Variants in SOS1 observed in about 807,000 individuals in gnomAD.
SOS1 encodes the protein son of sevenless homolog 1.
Under a neutral mutation model 157.6 loss-of-function variants are expected in SOS1, and 25 were observed. The ratio of observed to expected loss-of-function variants is 0.16; its 90% CI spans 0.12 to 0.22. The LOEUF (loss-of-function observed/expected upper bound fraction) is 0.22. SOS1 is among the 10% of genes least tolerant of loss of function. SOS1 has a pLI of 1.00. For missense variants in SOS1, 1,237 were observed against 1,599.1 expected, an observed-to-expected ratio of 0.77 and a Z score of 3.86; for synonymous variants, 528 against 534.0, an observed-to-expected ratio of 0.99 and a Z score of 0.16.
At chr2:39,044,859 C>CGT (rs1388387456) in intron 6 of SOS1, among the ~76,000 whole-genome samples, 47 of 36,456 alleles carry the variant, frequency 1.3e-3, no homozygotes, top group South Asian at 9.7e-3. Flanking sequence ...CATGCGCGCG[C>CGT]GCGCGCACAC....
rs535998845 is a variant in SOS1, at chr2:39,117,397, C to T, written c.87+2939G>A. Among the ~76,000 whole-genome samples, 10 of 152,148 alleles carry T rather than the reference C, an allele frequency of 6.6e-5. No individual in the cohort carries two copies. In the South Asian group the frequency reaches 2.1e-3, roughly 32 times the overall value. Reference sequence around the variant, plus strand: ...CTATAGTAGGCATGATATATTTGTGCAATAGATAAGATAGGACTTAGACTC... The same window carrying T: ...CTATAGTAGGCATGATATATTTGTGTAATAGATAAGATAGGACTTAGACTC... On this transcript the variant is annotated intron_variant, in intron 1 of 22. Coordinates refer to ENST00000402219, the MANE Select transcript of SOS1 (RefSeq NM_005633.4).
At chr2:39,029,395 G>A (rs946863465) in intron 8 of SOS1, among the ~76,000 whole-genome samples, 6 of 152,260 alleles carry the variant, frequency 3.9e-5, no homozygotes, top group Middle Eastern at 3.4e-3. Context: ...GGAGGCTGAG[G>A]TGGGCAGATC....
chr2:39,009,291 G>T (rs1312891083), intron 15 of SOS1, among the ~76,000 whole-genome samples: 2 of 152,188 alleles, frequency 1.3e-5, no homozygotes, highest in East Asian at 3.9e-4. Context: ...TAGAGCCATT[G>T]TTCAAAAACG....
In SOS1 at chr2:39,022,877, A is replaced by G. The variant is rs913874092; in HGVS notation, c.1551T>C (p.Ile517=). The G allele has an allele frequency of 6.2e-7, 1 of 1,612,706 alleles. No homozygotes were observed. The highest frequency in any genetic ancestry group is 1.3e-5 in the African/African-American group (1 of 74,872). Residue 517 remains isoleucine (I), a synonymous_variant, in exon 10 of 23, where the codon ATT becomes ATC. Coordinates refer to ENST00000402219, the MANE Select transcript of SOS1 (RefSeq NM_005633.4). The part of the protein sequence containing the change: ...TNEYKHAFEI[I]LKDENSVIFS... ...ATATAACACTATTTTCATCTTTTAA[A>G]ATTATTTCAAAAGCATGCTTGTATT...
At chr2:39,109,834 A>G (rs895525148) in intron 1 of SOS1, among the ~76,000 whole-genome samples, 33 of 152,222 alleles carry the variant, frequency 2.2e-4, no homozygotes, top group African/African-American at 8.0e-4. Flanking sequence ...ACTATCTGCC[A>G]TGGTTCATTA....
intron 20 of SOS1, among the ~76,000 whole-genome samples, chr2:38,991,323 T>C (rs1488378995): frequency 6.6e-6 from 1 of 152,200 alleles, no homozygotes; most frequent in Non-Finnish European, 1.5e-5. Context: ...TACAGCAATC[T>C]TCCAGGAGGA....
At position 39,057,039 on chromosome 2, in the gene SOS1, A is replaced by T. The variant is rs148756789; in HGVS notation, c.346-173T>A. 6.4e-4 allele frequency among the ~76,000 whole-genome samples: 97 copies of T among 152,332 alleles called. 1 individual carries two copies. The highest frequency in any genetic ancestry group is 2.2e-3 in the African/African-American group (90 of 41,582). On this transcript the variant is annotated intron_variant, in intron 3 of 22. Transcript: ENST00000402219. Reference sequence around the variant, plus strand: ...AACAATGAATAATATATGTATTACTATTGAAAATGTAAGCTAAGAAAAGGC... The same window carrying T: ...AACAATGAATAATATATGTATTACTTTTGAAAATGTAAGCTAAGAAAAGGC...
chr2:38,991,963 T>TA (rs549815926), intron 20 of SOS1, among the ~76,000 whole-genome samples: 23 of 151,774 alleles, frequency 1.5e-4, no homozygotes, highest in Admixed American at 6.6e-4. Flanking sequence ...TTATAACTGA[T>TA]AAAAAAAAAT....
intron 1 of SOS1, among the ~76,000 whole-genome samples, chr2:39,092,410 G>C (rs1293549217): frequency 1.3e-5 from 2 of 152,028 alleles, no homozygotes; most frequent in Admixed American, 6.6e-5. Flanking sequence ...GAACATTCTG[G>C]TCTCTTCTCA....
chr2:39,020,034 A>G (rs1669749985), intron 10 of SOS1, among the ~76,000 whole-genome samples: 1 of 151,636 alleles, frequency 6.6e-6, no homozygotes, highest in East Asian at 1.9e-4. Context: ...CATGAAAACA[A>G]TCACCTTATA....
chr2:39,022,593 C>T lies in SOS1; in HGVS notation c.1835G>A (p.Arg612Lys). ...ACCTGCGTACATATGGTACGTAAGCCTCTCTATAAGTTTAATAACAGTTCC... is the reference window on the plus strand; with the variant it reads ...ACCTGCGTACATATGGTACGTAAGCTTCTCTATAAGTTTAATAACAGTTCC... ...KAGTVIKLIE[R>K]LTYHMYADPN... The change falls in exon 10 of 23, where the codon AGG becomes AAG. Residue 612 changes from arginine (R) to lysine (K), a missense_variant. Transcript: ENST00000402219. The T allele has an allele frequency of 6.2e-7, 1 of 1,613,262 alleles. No individual in the cohort carries two copies. The highest frequency in any genetic ancestry group is 8.5e-7 in the Non-Finnish European group (1 of 1,179,380).
At chr2:39,073,286 T>C (rs1379173900) in intron 1 of SOS1, among the ~76,000 whole-genome samples, 1 of 152,234 alleles carries the variant, frequency 6.6e-6, no homozygotes, top group East Asian at 1.9e-4. Flanking sequence ...GACTAAACTA[T>C]GTGGGTTTTC....
At chr2:39,020,957 A>T (rs1158696387) in intron 10 of SOS1, among the ~76,000 whole-genome samples, 1 of 151,258 alleles carries the variant, frequency 6.6e-6, no homozygotes, top group African/African-American at 2.4e-5. Context: ...TATTGGAAGG[A>T]ATTTTTTAAA....
intron 1 of SOS1, among the ~76,000 whole-genome samples, chr2:39,087,558 G>C (rs1364736988): frequency 1.3e-5 from 2 of 152,192 alleles, no homozygotes; most frequent in East Asian, 3.8e-4. Flanking sequence ...TTATCTGTAT[G>C]ATCTTAGGCA....
chr2:39,072,234 C>T (rs1671818064), intron 1 of SOS1, among the ~76,000 whole-genome samples: 1 of 152,022 alleles, frequency 6.6e-6, no homozygotes, highest in South Asian at 2.1e-4. Context: ...TTGTCTGTTT[C>T]CTTTTTTGGA....
At chr2:39,055,964 T>A (rs1372313151) in intron 4 of SOS1, among the ~76,000 whole-genome samples, 2 of 152,174 alleles carry the variant, frequency 1.3e-5, no homozygotes, top group Non-Finnish European at 2.9e-5. Context: ...CATATATGCT[T>A]AACCTTCAAT....
intron 6 of SOS1, among the ~76,000 whole-genome samples, chr2:39,048,399 TTTTC>T (rs1159381568): frequency 6.6e-6 from 1 of 152,006 alleles, no homozygotes; most frequent in Non-Finnish European, 1.5e-5. Flanking sequence ...GCTTTTAAGA[TTTTC>T]TTTTTTTTTT....
chr2:38,997,678 T>C (rs13009013), intron 17 of SOS1, among the ~76,000 whole-genome samples: 3 of 151,898 alleles, frequency 2.0e-5, no homozygotes, highest in African/African-American at 7.2e-5. Context: ...TTTATTTTTT[T>C]ATTTTTTTTA....
In SOS1 at chr2:38,987,575, T is replaced by A. The variant is rs764809554; in HGVS notation, c.3408A>T (p.Ser1136=). The A allele has an allele frequency of 6.4e-7, 1 of 1,561,334 alleles. No homozygotes were observed. Among genetic ancestry groups the A allele is most frequent in the South Asian group, 1.1e-5 (1 of 89,242 alleles). The change falls in exon 22 of 23, where the codon TCA becomes TCT. Residue 1136 remains serine, a synonymous_variant. Coordinates refer to ENST00000402219, the MANE Select transcript of SOS1 (RefSeq NM_005633.4). The part of the protein sequence containing the change: ...LPHGPRSASV[S]SISLTKGTDE... The stretch of plus-strand genomic sequence containing the variant: ...CAGTGCCTTTGGTTAAACTTATAGA[T>A]GATACAGAAGCAGATCCTGTGGGAT...
Sources: gnomAD v4.1 joint callset for allele counts (sites outside exome capture counted in the v4.1 genomes callset) on GRCh38, gnomAD v4.1.1 for gene constraint, MANE v1.5 for transcripts, NCBI Gene and HGNC (gene_info 2026-07-23, HGNC 2026-07-21) for gene names.